TANC2: variants seen among roughly 807,000 people sequenced by gnomAD.
TANC2 encodes the protein protein TANC2.
A neutral mutation model predicts 210.5 loss-of-function variants in TANC2; 26 were observed. The ratio of observed to expected loss-of-function variants is 0.12; its 90% CI spans 0.09 to 0.17. TANC2 has a LOEUF of 0.17. TANC2 is among the 10% of genes least tolerant of loss of function. The pLI, the probability that TANC2 is intolerant of heterozygous loss-of-function variation, is 1.00. For missense variants in TANC2, 2,129 were observed against 2,608.9 expected (o/e 0.82, Z 4.01); for synonymous variants, 931 against 967.1 (o/e 0.96, Z 0.69).
intron 5 of TANC2, among the ~76,000 whole-genome samples, chr17:63,174,904 A>G (rs2040525299): frequency 6.6e-6 from 1 of 152,234 alleles, no homozygotes. Context: ...TCATAAAATT[A>G]TCAGAGATAA....
At chr17:63,200,730 T>C in intron 6 of TANC2, 41 bp from the exon 7 acceptor site, 3 of 1,535,750 alleles carry the variant, frequency 2.0e-6, no homozygotes, top group Non-Finnish European at 2.7e-6. Flanking sequence ...CTTTAACAGC[T>C]GATCAGGTTA....
In TANC2 at chr17:63,201,389, T is replaced by C. The variant is rs2041529342; in HGVS notation, c.769+432T>C. 2.0e-5 allele frequency among the ~76,000 whole-genome samples: 3 copies of C among 152,324 alleles called. No homozygotes were observed. In the South Asian group the frequency reaches 6.2e-4, roughly 32 times the overall value. On this transcript the variant is annotated intron_variant, in intron 7 of 27. Coordinates refer to ENST00000689528, the Ensembl canonical transcript of TANC2. ...TCTATTTGTGCAAACCATATATTAG[T>C]TATTTAATTAGTTTTGGGAGCCCCT...
chr17:63,384,269 A>G (rs1261558980), intron 15 of TANC2, among the ~76,000 whole-genome samples: 1 of 151,966 alleles, frequency 6.6e-6, no homozygotes, highest in East Asian at 1.9e-4. Flanking sequence ...TGGGGGTCTC[A>G]CCATGTTGCC....
chr17:63,084,778 G>T (rs1288697997), intron 3 of TANC2, among the ~76,000 whole-genome samples: 4 of 152,036 alleles, frequency 2.6e-5, no homozygotes, highest in Non-Finnish European at 5.9e-5. Flanking sequence ...AGTATTTTGG[G>T]ATTTTTCAGC....
chr17:63,262,665 A>G (rs1188261772), intron 8 of TANC2, among the ~76,000 whole-genome samples: 1 of 151,916 alleles, frequency 6.6e-6, no homozygotes, highest in African/African-American at 2.4e-5. Flanking sequence ...GATATCGATA[A>G]AGAATCAAAC....
chr17:63,086,269 C>T (rs1401154647), intron 3 of TANC2, among the ~76,000 whole-genome samples: 1 of 152,032 alleles, frequency 6.6e-6, no homozygotes, highest in African/African-American at 2.4e-5. Flanking sequence ...GGTTTGGTAT[C>T]TGACATTAAT....
chr17:63,081,817 C>T (rs1230847704), intron 3 of TANC2, among the ~76,000 whole-genome samples: 2 of 152,236 alleles, frequency 1.3e-5, no homozygotes, highest in South Asian at 2.1e-4. Flanking sequence ...TTGTAGAAGC[C>T]GCTCCTTGCT....
intron 9 of TANC2, among the ~76,000 whole-genome samples, chr17:63,310,658 G>A (rs1489224211): frequency 2.6e-5 from 4 of 152,108 alleles, no homozygotes; most frequent in African/African-American, 9.7e-5. Flanking sequence ...AAAGAATTCA[G>A]ATAGCCAATA....
intron 12 of TANC2, among the ~76,000 whole-genome samples, chr17:63,345,276 T>G (rs912895776): frequency 6.6e-6 from 1 of 152,312 alleles, no homozygotes; most frequent in Non-Finnish European, 1.5e-5. Context: ...AGATATGTCA[T>G]AAATGAGGAT....
In TANC2 at chr17:63,001,568, T is replaced by C. The variant is rs118132184; in HGVS notation, c.-23-7969T>C. Among the ~76,000 whole-genome samples the C allele has an allele frequency of 1.7e-3, 259 of 151,364 alleles. 8 individuals are homozygous for C. The East Asian group carries it at 0.045, about 26-fold the overall frequency. Reference sequence around the variant, plus strand: ...CTTTTTCTTTCTTTCTTTTTTTTTTTCCAAGATGGAGTCTCCCTCTGTTGC... The same window carrying C: ...CTTTTTCTTTCTTTCTTTTTTTTTTCCCAAGATGGAGTCTCCCTCTGTTGC... On this transcript the variant is annotated intron_variant, in intron 1 of 27. Coordinates refer to ENST00000689528, the Ensembl canonical transcript of TANC2.
At chr17:63,258,896 G>GC (rs1173158661) in intron 8 of TANC2, among the ~76,000 whole-genome samples, 3 of 152,062 alleles carry the variant, frequency 2.0e-5, no homozygotes, top group African/African-American at 7.2e-5. Context: ...TTTTCCTCAA[G>GC]CAGGAGTCCT....
At chr17:62,999,266 C>G (rs550425384) in intron 1 of TANC2, among the ~76,000 whole-genome samples, 1 of 152,306 alleles carries the variant, frequency 6.6e-6, no homozygotes, top group Admixed American at 6.5e-5. Flanking sequence ...GCTTCACCTG[C>G]CATGAGTAAA....
chr17:62,988,081 T>C (rs2032664531), intron 1 of TANC2, among the ~76,000 whole-genome samples: 1 of 152,206 alleles, frequency 6.6e-6, no homozygotes, highest in Non-Finnish European at 1.5e-5. Flanking sequence ...AAGGGACAGA[T>C]ATCTGGGAAA....
At chr17:63,396,330 C>G (rs1031657072) in intron 18 of TANC2, 1 of 183,476 alleles carries the variant, frequency 5.5e-6, no homozygotes, top group African/African-American at 2.4e-5. Context: ...TTCATTAACT[C>G]TAGCCCTTGA....
At chr17:62,989,592 G>C (rs1304920196) in intron 1 of TANC2, among the ~76,000 whole-genome samples, 1 of 152,136 alleles carries the variant, frequency 6.6e-6, no homozygotes. Context: ...GGAAGTAGTA[G>C]TGGTAGTTCT....
intron 4 of TANC2, among the ~76,000 whole-genome samples, chr17:63,105,811 G>A (rs2037802024): frequency 6.6e-6 from 1 of 151,448 alleles, no homozygotes; most frequent in African/African-American, 2.4e-5. Context: ...TAATACTGTG[G>A]CATCTGAGTA....
intron 6 of TANC2, among the ~76,000 whole-genome samples, chr17:63,195,538 T>C (rs951248902): frequency 2.0e-5 from 3 of 152,216 alleles, no homozygotes; most frequent in Admixed American, 2.0e-4. Flanking sequence ...CCTGTGCTAC[T>C]GCAATAGGTA....
At chr17:63,065,035 G>A (rs781587385) in intron 2 of TANC2, among the ~76,000 whole-genome samples, 17 of 151,852 alleles carry the variant, frequency 1.1e-4, no homozygotes, top group Admixed American at 3.3e-4. Flanking sequence ...GCATTTCCCC[G>A]TTTCTCCCTG....
intron 1 of TANC2, among the ~76,000 whole-genome samples, chr17:62,990,853 G>A (rs2032825181): frequency 2.0e-5 from 3 of 152,052 alleles, no homozygotes; most frequent in Admixed American, 2.0e-4. Context: ...AATTTTTATG[G>A]CATGTATTTT....
Sources: gnomAD v4.1 joint callset for allele counts (sites outside exome capture counted in the v4.1 genomes callset) on GRCh38, gnomAD v4.1.1 for gene constraint, MANE v1.5 for transcripts, NCBI Gene and HGNC (gene_info 2026-07-23, HGNC 2026-07-21) for gene names.